Variants in CTNNA2 observed in about 807,000 individuals in gnomAD.
CTNNA2 encodes the protein catenin alpha-2.
In CTNNA2, 42 loss-of-function variants were observed where a neutral mutation model predicts 101.0. The ratio of observed to expected loss-of-function variants is 0.42; its 90% CI spans 0.32 to 0.54. CTNNA2 has a LOEUF of 0.54. CTNNA2 is among the 20% of genes least tolerant of loss of function. CTNNA2 has a pLI of 0.14. For missense variants in CTNNA2, 871 were observed against 1,223.1 expected, an observed-to-expected ratio of 0.71 and a Z score of 4.29; for synonymous variants, 450 against 456.4, an observed-to-expected ratio of 0.99 and a Z score of 0.18.
intron 2 of CTNNA2, among the ~76,000 whole-genome samples, chr2:79,217,825 A>G (rs1674286057): frequency 6.6e-6 from 1 of 152,114 alleles, no homozygotes; most frequent in Non-Finnish European, 1.5e-5. Flanking sequence ...CATCCTATCT[A>G]CCCAATTCCT....
At chr2:79,816,318 TC>T (rs1405343537) in intron 3 of CTNNA2, among the ~76,000 whole-genome samples, 1 of 152,138 alleles carries the variant, frequency 6.6e-6, no homozygotes, top group Non-Finnish European at 1.5e-5. Flanking sequence ...AGAGTGGGCA[TC>T]CTTGTTTTGT....
At chr2:79,561,578 C>T (rs1191853593) in intron 1 of CTNNA2, among the ~76,000 whole-genome samples, 1 of 151,920 alleles carries the variant, frequency 6.6e-6, no homozygotes, top group Non-Finnish European at 1.5e-5. Flanking sequence ...AGTTTCTCCA[C>T]ATCTTTGCTA....
chr2:79,607,369 T>A (rs1309539535), intron 1 of CTNNA2, among the ~76,000 whole-genome samples: 1 of 152,132 alleles, frequency 6.6e-6, no homozygotes, highest in South Asian at 2.1e-4. Flanking sequence ...AGCGGGGACA[T>A]AGAAGACTTG....
At chr2:80,013,767 C>CT (rs1456765335) in intron 7 of CTNNA2, among the ~76,000 whole-genome samples, 1 of 152,186 alleles carries the variant, frequency 6.6e-6, no homozygotes, top group Non-Finnish European at 1.5e-5. Context: ...TGGCCAGACA[C>CT]TGTCTTCCAG....
intron 2 of CTNNA2, among the ~76,000 whole-genome samples, chr2:79,259,628 C>A (rs535614558): frequency 1.3e-5 from 2 of 152,188 alleles, no homozygotes; most frequent in East Asian, 3.9e-4. Flanking sequence ...GAGTTGGGGG[C>A]CCAGGGGTGA....
At chr2:79,409,369 T>C (rs1240306788) in intron 4 of CTNNA2, among the ~76,000 whole-genome samples, 2 of 152,182 alleles carry the variant, frequency 1.3e-5, no homozygotes, top group East Asian at 1.9e-4. Flanking sequence ...CATGAAGTCC[T>C]TGCCCATGCC....
intron 2 of CTNNA2, among the ~76,000 whole-genome samples, chr2:79,222,967 G>A (rs1674363884): frequency 6.6e-6 from 1 of 151,700 alleles, no homozygotes; most frequent in African/African-American, 2.4e-5. Flanking sequence ...GAAACATAGA[G>A]ATACCCTGTC....
chr2:79,257,690 A>C (rs900190376), intron 2 of CTNNA2, among the ~76,000 whole-genome samples: 1 of 152,070 alleles, frequency 6.6e-6, no homozygotes, highest in Non-Finnish European at 1.5e-5. Context: ...AGTAATTGAG[A>C]GGAAGAGAAG....
intron 4 of CTNNA2, among the ~76,000 whole-genome samples, chr2:79,412,552 A>G (rs1678427271): frequency 6.6e-6 from 1 of 152,002 alleles, no homozygotes; most frequent in South Asian, 2.1e-4. Context: ...TGTCTCTCAG[A>G]CCACAGTGCA....
At chr2:79,646,278 C>T (rs576846385) in intron 1 of CTNNA2, among the ~76,000 whole-genome samples, 2 of 152,296 alleles carry the variant, frequency 1.3e-5, no homozygotes, top group Admixed American at 6.5e-5. Flanking sequence ...TTCTCCTTAT[C>T]AGGACGCTGT....
At chr2:79,648,727 G>A (rs540583585) in intron 1 of CTNNA2, among the ~76,000 whole-genome samples, 6 of 152,044 alleles carry the variant, frequency 3.9e-5, no homozygotes, top group South Asian at 2.1e-4. Flanking sequence ...GGGATTTTGC[G>A]GTCCCCACCA....
At chr2:79,593,475 T>C (rs1278335661) in intron 1 of CTNNA2, among the ~76,000 whole-genome samples, 1 of 152,174 alleles carries the variant, frequency 6.6e-6, no homozygotes, top group Admixed American at 6.5e-5. Flanking sequence ...ACCACAGCCT[T>C]CTTTCTTTCC....
At chr2:80,215,791 T>C (rs1007614959) in intron 7 of CTNNA2, among the ~76,000 whole-genome samples, 1 of 152,188 alleles carries the variant, frequency 6.6e-6, no homozygotes, top group African/African-American at 2.4e-5. Context: ...TTCAAAGATG[T>C]CAGACAGGGA....
chr2:79,260,452 T>A (rs1674905979), intron 2 of CTNNA2, among the ~76,000 whole-genome samples: 1 of 152,184 alleles, frequency 6.6e-6, no homozygotes, highest in South Asian at 2.1e-4. Flanking sequence ...TCTGTCTACC[T>A]TACGTTTTAT....
intron 4 of CTNNA2, among the ~76,000 whole-genome samples, chr2:79,378,575 CGAG>C (rs1678004563): frequency 6.6e-6 from 1 of 152,000 alleles, no homozygotes; most frequent in Admixed American, 6.6e-5. Context: ...TGTCATTTGT[CGAG>C]GAGATGTTAC....
intron 2 of CTNNA2, among the ~76,000 whole-genome samples, chr2:79,736,157 A>G (rs1292984812): frequency 6.6e-6 from 1 of 152,202 alleles, no homozygotes; most frequent in African/African-American, 2.4e-5. Context: ...CAGAATTTGT[A>G]TAACTTTGTT....
intron 7 of CTNNA2, among the ~76,000 whole-genome samples, chr2:80,043,441 A>T (rs1257786603): frequency 6.6e-6 from 1 of 151,536 alleles, no homozygotes; most frequent in Admixed American, 6.6e-5. Context: ...CAAGTGATCC[A>T]CCTGTCTCGG....
chr2:80,623,304 G>A (rs1159766766), intron 18 of CTNNA2, among the ~76,000 whole-genome samples: 1 of 151,800 alleles, frequency 6.6e-6, no homozygotes, highest in East Asian at 1.9e-4. Flanking sequence ...TATGATGATA[G>A]TAATCATTTT....
intron 4 of CTNNA2, among the ~76,000 whole-genome samples, chr2:79,444,494 C>T (rs1340056518): frequency 6.6e-6 from 1 of 152,056 alleles, no homozygotes; most frequent in East Asian, 1.9e-4. Context: ...AGAAAGACTT[C>T]CCTCCCCTTG....
Sources: gnomAD v4.1 joint callset for allele counts (sites outside exome capture counted in the v4.1 genomes callset) on GRCh38, gnomAD v4.1.1 for gene constraint, MANE v1.5 for transcripts, NCBI Gene and HGNC (gene_info 2026-07-23, HGNC 2026-07-21) for gene names.